The following FGF12 variants were observed in gnomAD, a reference collection of about 807,000 sequenced individuals.
FGF12 encodes fibroblast growth factor 12B.
In FGF12, 14 loss-of-function variants were observed where a neutral mutation model predicts 23.6. That is an observed-to-expected ratio of 0.59 (90% CI 0.39 to 0.93). FGF12 has a LOEUF of 0.93. Ranked by LOEUF, FGF12 falls within the 40% of genes least tolerant of loss-of-function variation. The probability of loss-of-function intolerance (pLI) is 0.00; values close to 1 mark genes in which losing one functional copy is unlikely to be tolerated. For synonymous variants in FGF12, 62 were observed against 77.3 expected (o/e 0.80, Z 1.04); for missense variants, 175 against 217.8 (o/e 0.80, Z 1.24).
chr3:192,270,430 C>G (rs934507764), intron 4 of FGF12, among the ~76,000 whole-genome samples: 1 of 152,048 alleles, frequency 6.6e-6, no homozygotes, highest in African/African-American at 2.4e-5. Flanking sequence ...CCTACTATTA[C>G]TGGGCAAAGT....
chr3:192,235,626 C>T (rs1239178856), intron 4 of FGF12, among the ~76,000 whole-genome samples: 1 of 152,110 alleles, frequency 6.6e-6, no homozygotes, highest in African/African-American at 2.4e-5. Flanking sequence ...TTGGCCTCTT[C>T]TAGGTGTTTT....
chr3:192,571,909 A>AG (rs1712651461), intron 2 of FGF12, among the ~76,000 whole-genome samples: 1 of 149,586 alleles, frequency 6.7e-6, no homozygotes, highest in Non-Finnish European at 1.5e-5. Context: ...GAACTTTCTG[A>AG]GGGTCCATAT....
chr3:192,428,703 T>C (rs562424205), intron 2 of FGF12, among the ~76,000 whole-genome samples: 16 of 151,994 alleles, frequency 1.1e-4, no homozygotes, highest in Admixed American at 2.6e-4. Flanking sequence ...CAGTAAAATA[T>C]GAGAGAAAAA....
At chr3:192,190,038 TG>T (rs1295540139) in intron 4 of FGF12, among the ~76,000 whole-genome samples, 1 of 152,170 alleles carries the variant, frequency 6.6e-6, no homozygotes, top group Non-Finnish European at 1.5e-5. Context: ...GAAAAAAGCA[TG>T]GAAGCACTTA....
chr3:192,669,602 TAAAAAAAAAAAAA>T lies in FGF12; in HGVS notation c.13+57566_13+57578del, dbSNP rs59897483. On this transcript the variant is annotated intron_variant, in intron 2 of 5. Coordinates refer to ENST00000445105, the MANE Select transcript of FGF12 (RefSeq NM_004113.6). ...CTGGAGACAGAGAAAGACTCTGTCT[TAAAAAAAAAAAAA>T]AAAAAAAAAAAAAAAAAATTGGTGT... is the stretch of plus-strand genomic sequence containing the variant. 5.4e-4 allele frequency among the ~76,000 whole-genome samples: 32 copies of T among 59,526 alleles called. 2 individuals are homozygous for T. The highest frequency in any genetic ancestry group is 1.7e-3 in the Admixed American group (7 of 4,004). 39.1% of individuals were successfully genotyped at this position (59,526 alleles called of 152,430 possible).
chr3:192,592,861 T>C (rs1713685433), intron 2 of FGF12, among the ~76,000 whole-genome samples: 2 of 151,834 alleles, frequency 1.3e-5, no homozygotes, highest in African/African-American at 4.8e-5. Context: ...AGGCACAAAA[T>C]TGTCTGCTTT....
chr3:192,688,145 A>T (rs1248462834), intron 2 of FGF12, among the ~76,000 whole-genome samples: 3 of 152,048 alleles, frequency 2.0e-5, no homozygotes, highest in African/African-American at 7.2e-5. Flanking sequence ...CAGAGACACT[A>T]CTGAGGACCC....
chr3:192,484,200 TC>T (rs1000002628), intron 2 of FGF12, among the ~76,000 whole-genome samples: 7 of 151,980 alleles, frequency 4.6e-5, no homozygotes, highest in African/African-American at 1.7e-4. Flanking sequence ...CCAGTGTTTT[TC>T]TGAGAGAGTA....
At chr3:192,571,208 GCAACA>G (rs1228642768) in intron 2 of FGF12, among the ~76,000 whole-genome samples, 1 of 152,220 alleles carries the variant, frequency 6.6e-6, no homozygotes, top group African/African-American at 2.4e-5. Flanking sequence ...TCCTGGAAAG[GCAACA>G]ATGACTTCGT....
At chr3:192,576,784 T>C (rs1712911956) in intron 2 of FGF12, among the ~76,000 whole-genome samples, 1 of 152,086 alleles carries the variant, frequency 6.6e-6, no homozygotes, top group Non-Finnish European at 1.5e-5. Flanking sequence ...CTATTCACAA[T>C]AGCAAAGACT....
intron 2 of FGF12, among the ~76,000 whole-genome samples, chr3:192,616,182 A>G (rs1714748772): frequency 6.6e-6 from 1 of 152,102 alleles, no homozygotes; most frequent in South Asian, 2.1e-4. Flanking sequence ...TATTGGAATC[A>G]TTGGCAAAGA....
chr3:192,274,201 C>T (rs1033531220), intron 4 of FGF12, among the ~76,000 whole-genome samples: 1 of 152,092 alleles, frequency 6.6e-6, no homozygotes, highest in African/African-American at 2.4e-5. Context: ...ATAAATCTTC[C>T]TATTACATTA....
intron 4 of FGF12, among the ~76,000 whole-genome samples, chr3:192,269,199 C>T (rs1304376924): frequency 3.9e-5 from 6 of 152,296 alleles, no homozygotes; most frequent in East Asian, 1.9e-4. Flanking sequence ...AGATTACAGG[C>T]ATGAGCTAAC....
chr3:192,504,001 T>C (rs1332348616), intron 2 of FGF12, among the ~76,000 whole-genome samples: 1 of 151,782 alleles, frequency 6.6e-6, no homozygotes, highest in African/African-American at 2.4e-5. Flanking sequence ...TGGAATACTA[T>C]GCAGTCATAA....
At chr3:192,568,651 A>C (rs751126272) in intron 2 of FGF12, among the ~76,000 whole-genome samples, 1 of 152,090 alleles carries the variant, frequency 6.6e-6, no homozygotes. Context: ...TAGTTTTGAG[A>C]GTGTTTTTGT....
At chr3:192,581,482 G>C (rs1440064908) in intron 2 of FGF12, among the ~76,000 whole-genome samples, 1 of 72,792 alleles carries the variant, frequency 1.4e-5, no homozygotes, top group Non-Finnish European at 2.6e-5. Flanking sequence ...ATATGTGTGT[G>C]TGTGTATATA....
At chr3:192,463,378 C>T (rs1018864385) in intron 2 of FGF12, among the ~76,000 whole-genome samples, 3 of 151,958 alleles carry the variant, frequency 2.0e-5, no homozygotes, top group African/African-American at 7.3e-5. Context: ...TGAGGTTGCA[C>T]CAATGCACTC....
chr3:192,620,158 G>A (rs544642875), intron 2 of FGF12, among the ~76,000 whole-genome samples: 32 of 152,100 alleles, frequency 2.1e-4, no homozygotes, highest in African/African-American at 7.2e-4. Context: ...CCTCCTCATC[G>A]AGGGGGACGT....
At chr3:192,603,971 G>C (rs192605816) in intron 2 of FGF12, among the ~76,000 whole-genome samples, 2 of 152,090 alleles carry the variant, frequency 1.3e-5, no homozygotes, top group Non-Finnish European at 2.9e-5. Context: ...CAACCACACA[G>C]GACAGACATT....
Sources: allele counts gnomAD v4.1 joint callset (sites outside exome capture counted in the v4.1 genomes callset), GRCh38; gene constraint gnomAD v4.1.1; transcripts MANE v1.5; gene names NCBI Gene and HGNC (gene_info 2026-07-23, HGNC 2026-07-21).